The following TBC1D22A variants were observed in gnomAD, a reference collection of about 807,000 sequenced individuals.
TBC1D22A encodes the protein TBC1 domain family member 22A, also known as putative GTPase activator.
In TBC1D22A, 38 loss-of-function variants were observed where a neutral mutation model predicts 60.2. The ratio of observed to expected loss-of-function variants is 0.63; its 90% CI spans 0.49 to 0.83. TBC1D22A has a LOEUF of 0.83. Ranked by LOEUF, TBC1D22A falls within the 40% of genes least tolerant of loss-of-function variation. The pLI, the probability that TBC1D22A is intolerant of heterozygous loss-of-function variation, is 0.00. For missense variants in TBC1D22A, 628 were observed against 701.0 expected (o/e 0.90, Z 1.18); for synonymous variants, 302 against 281.7 (o/e 1.07, Z -0.72).
intron 4 of TBC1D22A, among the ~76,000 whole-genome samples, chr22:46,864,644 A>G (rs1161254153): frequency 6.6e-6 from 1 of 152,242 alleles, no homozygotes; most frequent in African/African-American, 2.4e-5. Context: ...TCACCTGAGA[A>G]GAAACACAGC....
chr22:47,005,460 C>T (rs1187232211), intron 10 of TBC1D22A, among the ~76,000 whole-genome samples: 1 of 151,740 alleles, frequency 6.6e-6, no homozygotes, highest in Non-Finnish European at 1.5e-5. Flanking sequence ...TGCCTATACA[C>T]CCACCATATA....
chr22:47,030,865 C>T (rs577801577), intron 10 of TBC1D22A, among the ~76,000 whole-genome samples: 11 of 152,360 alleles, frequency 7.2e-5, no homozygotes, highest in African/African-American at 1.7e-4. Flanking sequence ...CATCCTTCAC[C>T]GTGCCCAGAC....
chr22:46,809,761 G>A (rs1033872308), intron 4 of TBC1D22A, among the ~76,000 whole-genome samples: 4 of 152,136 alleles, frequency 2.6e-5, no homozygotes, highest in African/African-American at 9.7e-5. Context: ...GGCCATCTGC[G>A]GAGTGGTTAG....
chr22:47,117,348 G>A (rs1304360572), intron 12 of TBC1D22A: 4 of 126,652 alleles, frequency 3.2e-5, no homozygotes, highest in Non-Finnish European at 5.0e-5. Context: ...CCGTGGCATC[G>A]AGCAGGGAGA....
intron 1 of TBC1D22A, among the ~76,000 whole-genome samples, chr22:46,769,904 G>A (rs770031440): frequency 6.6e-6 from 1 of 152,110 alleles, no homozygotes; most frequent in African/African-American, 2.4e-5. Context: ...TTCACTGATG[G>A]GCGGGGTGCT....
chr22:47,139,150 G>A (rs1023058731), intron 12 of TBC1D22A, among the ~76,000 whole-genome samples: 2 of 152,214 alleles, frequency 1.3e-5, no homozygotes, highest in Admixed American at 6.5e-5. Flanking sequence ...GGAGGGTGAC[G>A]TCATGTGCTT....
intron 11 of TBC1D22A, among the ~76,000 whole-genome samples, chr22:47,072,853 G>A (rs1333465226): frequency 2.6e-5 from 4 of 152,218 alleles, no homozygotes; most frequent in Non-Finnish European, 5.9e-5. Flanking sequence ...CATCAGACCT[G>A]CCCTGCCTGT....
rs137860428 is a variant in TBC1D22A, at chr22:46,915,873, G to A, written c.1015+3685G>A. 1,306 of 451,752 alleles carry A rather than the reference G, an allele frequency of 2.9e-3. 9 individuals carry two copies. Among genetic ancestry groups the A allele is most frequent in the Non-Finnish European group, 4.1e-3 (915 of 222,904 alleles). 28.0% of individuals were successfully genotyped at this position (451,752 alleles called of 1,614,324 possible). On this transcript the variant is annotated intron_variant, in intron 8 of 12. Coordinates refer to ENST00000337137, the MANE Select transcript of TBC1D22A (RefSeq NM_014346.5). ...GAGTAGGAGCAGCTCTTCGGGAGTG[G>A]CTCATCGTTCTGGCTGTCAGTGGGA...
At chr22:47,024,040 G>A (rs1179577490) in intron 10 of TBC1D22A, among the ~76,000 whole-genome samples, 9 of 152,244 alleles carry the variant, frequency 5.9e-5, no homozygotes, top group African/African-American at 2.2e-4. Flanking sequence ...ATGCCGCGGT[G>A]CGATGAAGAT....
chr22:46,888,906 A>G (rs1031308701), intron 5 of TBC1D22A, among the ~76,000 whole-genome samples: 7 of 152,290 alleles, frequency 4.6e-5, no homozygotes, highest in South Asian at 4.1e-4. Flanking sequence ...GGGTTTCACC[A>G]TGTTGGCCAG....
chr22:46,900,042 C>T (rs941754021), intron 7 of TBC1D22A, among the ~76,000 whole-genome samples: 2 of 142,574 alleles, frequency 1.4e-5, no homozygotes, highest in African/African-American at 2.6e-5. Flanking sequence ...TTTCCTTCTT[C>T]CTCCTTTTCT....
intron 9 of TBC1D22A, among the ~76,000 whole-genome samples, chr22:46,980,350 T>G (rs1249370775): frequency 6.6e-6 from 1 of 152,092 alleles, no homozygotes; most frequent in Non-Finnish European, 1.5e-5. Flanking sequence ...ACCCAGCTAA[T>G]TTTTGTATTT....
At chr22:47,164,336 G>C (rs2068112554) in intron 12 of TBC1D22A, among the ~76,000 whole-genome samples, 1 of 152,236 alleles carries the variant, frequency 6.6e-6, no homozygotes. Context: ...GTCTTGTTAG[G>C]GAACTGATTT....
At position 47,158,388 on chromosome 22, in the gene TBC1D22A, T is replaced by C. The variant is rs138866720; in HGVS notation, c.1426-15110T>C. On this transcript the variant is annotated intron_variant, in intron 12 of 12. Transcript: ENST00000337137. ...TCTTGGATGAGAGTGGAGCACTTCT[T>C]CTTAGGAACACAAAAAAAGAAGAAA... 2.1e-3 allele frequency among the ~76,000 whole-genome samples: 323 copies of C among 152,234 alleles called. 4 individuals carry two copies. The highest frequency in any genetic ancestry group is 3.9e-3 in the Non-Finnish European group (266 of 68,010).
chr22:47,120,145 A>G (rs1358907572), intron 12 of TBC1D22A, among the ~76,000 whole-genome samples: 1 of 152,220 alleles, frequency 6.6e-6, no homozygotes, highest in East Asian at 1.9e-4. Flanking sequence ...AAAATATCCT[A>G]TCAATAAACC....
intron 11 of TBC1D22A, among the ~76,000 whole-genome samples, chr22:47,106,624 A>C (rs1373765539): frequency 6.6e-6 from 1 of 152,200 alleles, no homozygotes; most frequent in Non-Finnish European, 1.5e-5. Context: ...TCATTAAAGG[A>C]GCTTCTAAAG....
At chr22:46,904,142 T>TCTATCTATCTATCTGCCTACCTAC (rs57116517) in intron 7 of TBC1D22A, among the ~76,000 whole-genome samples, 2,144 of 134,544 alleles carry the variant, frequency 0.016, 39 homozygotes, top group South Asian at 0.02. Context: ...TATCTATCTA[T>TCTATCTATCTATCTGCCTACCTAC]CTACCTACCT....
chr22:46,938,813 C>T (rs1408546019), intron 8 of TBC1D22A, among the ~76,000 whole-genome samples: 2 of 151,860 alleles, frequency 1.3e-5, no homozygotes, highest in Non-Finnish European at 2.9e-5. Flanking sequence ...CTCGAACTCC[C>T]GACCTGAGGT....
At chr22:47,149,519 G>A (rs1185073571) in intron 12 of TBC1D22A, among the ~76,000 whole-genome samples, 1 of 152,248 alleles carries the variant, frequency 6.6e-6, no homozygotes, top group East Asian at 1.9e-4. Context: ...GGAGGAGGTG[G>A]GCGGGACAGA....
Sources: allele counts gnomAD v4.1 joint callset (sites outside exome capture counted in the v4.1 genomes callset), GRCh38; gene constraint gnomAD v4.1.1; transcripts MANE v1.5; gene names NCBI Gene and HGNC (gene_info 2026-07-23, HGNC 2026-07-21).